The following CSMD1 variants were observed in gnomAD, a reference collection of about 807,000 sequenced individuals.
CSMD1 encodes CUB and Sushi multiple domains 1.
Under a neutral mutation model 417.5 loss-of-function variants are expected in CSMD1, and 213 were observed. The observed-to-expected ratio is 0.51, with a 90% CI of 0.46 to 0.57. CSMD1 has a LOEUF of 0.57. Ranked by LOEUF, CSMD1 falls within the 20% of genes least tolerant of loss-of-function variation. The pLI is 0.00. For synonymous variants in CSMD1, 2,862 were observed against 1,736.8 expected (o/e 1.65, Z -16.11); for missense variants, 6,923 against 4,529.7 (o/e 1.53, Z -15.17).
In CSMD1 at chr8:4,235,056, G is replaced by A. The variant is rs190070565; in HGVS notation, c.415+184897C>T. On this transcript the variant is annotated intron_variant, in intron 3 of 69. Coordinates refer to ENST00000635120, the MANE Select transcript of CSMD1 (RefSeq NM_033225.6). ...CTTCAACATTCGAATTTAAGGGGAC[G>A]CATTCCATCCATAGGAGTCCCTTTC... Among the ~76,000 whole-genome samples, 654 of 152,220 alleles carry A rather than the reference G, an allele frequency of 4.3e-3. 4 individuals carry two copies. The highest frequency in any genetic ancestry group is 6.6e-3 in the Non-Finnish European group (448 of 68,024).
At chr8:3,683,994 T>A (rs1799803229) in intron 7 of CSMD1, among the ~76,000 whole-genome samples, 1 of 151,618 alleles carries the variant, frequency 6.6e-6, no homozygotes, top group South Asian at 2.1e-4. Flanking sequence ...AAGTAACTCA[T>A]TAGAACACAT....
intron 1 of CSMD1, among the ~76,000 whole-genome samples, chr8:4,775,181 A>T (rs1322906042): frequency 6.6e-6 from 1 of 152,192 alleles, no homozygotes; most frequent in African/African-American, 2.4e-5. Context: ...CTCAACATCA[A>T]CTAGAATTTG....
At chr8:4,664,423 G>T (rs577174828) in intron 1 of CSMD1, among the ~76,000 whole-genome samples, 1 of 152,054 alleles carries the variant, frequency 6.6e-6, no homozygotes, top group Non-Finnish European at 1.5e-5. Context: ...GAATGTTCCT[G>T]GTAGTTCCCG....
chr8:4,247,859 A>T (rs983136616), intron 3 of CSMD1, among the ~76,000 whole-genome samples: 2 of 152,190 alleles, frequency 1.3e-5, no homozygotes. Context: ...TCACATCGTT[A>T]TAGAAATACA....
chr8:3,615,307 A>G (rs1802080711), intron 8 of CSMD1, among the ~76,000 whole-genome samples: 1 of 152,132 alleles, frequency 6.6e-6, no homozygotes, highest in Non-Finnish European at 1.5e-5. Context: ...CGCCATGGAA[A>G]CAGACTGAAG....
intron 1 of CSMD1, among the ~76,000 whole-genome samples, chr8:4,729,340 T>A (rs1408525297): frequency 1.3e-5 from 2 of 152,214 alleles, no homozygotes; most frequent in Non-Finnish European, 2.9e-5. Context: ...GTGGAAATTC[T>A]GAAGACAGTA....
At chr8:3,921,281 A>T (rs1809239152) in intron 5 of CSMD1, among the ~76,000 whole-genome samples, 1 of 151,942 alleles carries the variant, frequency 6.6e-6, no homozygotes, top group Non-Finnish European at 1.5e-5. Flanking sequence ...TTCATTTCTA[A>T]TTTTGAGTCT....
At chr8:4,840,025 G>T (rs1042847714) in intron 1 of CSMD1, among the ~76,000 whole-genome samples, 1 of 152,292 alleles carries the variant, frequency 6.6e-6, no homozygotes, top group Admixed American at 6.5e-5. Context: ...ATGCACAAAA[G>T]CCTGGTTTGG....
At chr8:3,978,119 C>T (rs1274873770) in intron 5 of CSMD1, among the ~76,000 whole-genome samples, 9 of 152,126 alleles carry the variant, frequency 5.9e-5, no homozygotes, top group African/African-American at 2.2e-4. Context: ...GATAACAAAA[C>T]GAAAAGCAAG....
intron 5 of CSMD1, among the ~76,000 whole-genome samples, chr8:3,824,932 C>T (rs981653247): frequency 3.3e-5 from 5 of 151,848 alleles, no homozygotes; most frequent in Non-Finnish European, 7.4e-5. Flanking sequence ...CCATAAAAAC[C>T]GCAACAATGA....
chr8:3,962,571 G>C (rs1432419480), intron 5 of CSMD1, among the ~76,000 whole-genome samples: 2 of 152,076 alleles, frequency 1.3e-5, no homozygotes, highest in South Asian at 2.1e-4. Context: ...TTTCACACGA[G>C]GAGTAAGCAA....
intron 12 of CSMD1, among the ~76,000 whole-genome samples, chr8:3,444,841 C>G (rs1045575131): frequency 2.0e-5 from 3 of 152,142 alleles, no homozygotes; most frequent in Non-Finnish European, 4.4e-5. Flanking sequence ...CAAGTAAATA[C>G]AAAAAGAAGC....
At chr8:3,396,792 G>C (rs548555852) in intron 16 of CSMD1, among the ~76,000 whole-genome samples, 2 of 151,710 alleles carry the variant, frequency 1.3e-5, no homozygotes, top group Non-Finnish European at 2.9e-5. Flanking sequence ...CATAATTATA[G>C]ACATCTTAAA....
chr8:3,765,571 C>G (rs969963387), intron 5 of CSMD1, among the ~76,000 whole-genome samples: 2 of 152,196 alleles, frequency 1.3e-5, no homozygotes, highest in African/African-American at 4.8e-5. Flanking sequence ...CTTAACAAGT[C>G]AATTCTAAAT....
intron 23 of CSMD1, among the ~76,000 whole-genome samples, chr8:3,341,287 T>C (rs1305664965): frequency 6.6e-6 from 1 of 152,152 alleles, no homozygotes; most frequent in Non-Finnish European, 1.5e-5. Flanking sequence ...AACTGCTACC[T>C]GGACAACAGA....
chr8:3,636,310 C>T (rs12549963), intron 7 of CSMD1, among the ~76,000 whole-genome samples: 65,932 of 151,970 alleles, frequency 0.43, 14,631 homozygotes, highest in Middle Eastern at 0.62. Flanking sequence ...TTGTACAGGC[C>T]GGGATTACAG....
chr8:3,591,999 T>C (rs1800869883), intron 8 of CSMD1, among the ~76,000 whole-genome samples: 1 of 151,722 alleles, frequency 6.6e-6, no homozygotes, highest in South Asian at 2.1e-4. Context: ...AAAAGACGGA[T>C]GGATAGATGA....
intron 5 of CSMD1, among the ~76,000 whole-genome samples, chr8:3,820,155 T>A (rs1161903816): frequency 6.6e-6 from 1 of 152,200 alleles, no homozygotes; most frequent in Non-Finnish European, 1.5e-5. Context: ...TTAATTTGAA[T>A]GCCTTGCACA....
intron 1 of CSMD1, among the ~76,000 whole-genome samples, chr8:4,812,165 C>T (rs1312327764): frequency 6.6e-6 from 1 of 152,172 alleles, no homozygotes; most frequent in African/African-American, 2.4e-5. Context: ...CTGGCTGCTT[C>T]GTGTGCAGCG....
Sources: allele counts gnomAD v4.1 joint callset (sites outside exome capture counted in the v4.1 genomes callset), GRCh38; gene constraint gnomAD v4.1.1; transcripts MANE v1.5; gene names NCBI Gene and HGNC (gene_info 2026-07-23, HGNC 2026-07-21).